The following TMEM201 variants were observed in gnomAD, a reference collection of about 807,000 sequenced individuals.
TMEM201 encodes the protein RP13-15M17.2.
A neutral mutation model predicts 63.4 loss-of-function variants in TMEM201; 26 were observed. That is an observed-to-expected ratio of 0.41 (90% confidence interval 0.30 to 0.57). The LOEUF is 0.57. Ranked by LOEUF, TMEM201 falls within the 20% of genes least tolerant of loss-of-function variation. The pLI is 0.29. For missense variants in TMEM201, 794 were observed against 917.7 expected (o/e 0.87, Z 1.74); for synonymous variants, 417 against 421.6 (o/e 0.99, Z 0.14).
chr1:9,607,552 T>C lies in TMEM201; in HGVS notation c.1161-5T>C. The C allele has an allele frequency of 3.2e-6, 5 of 1,545,140 alleles. No individual in the cohort carries two copies. In the South Asian group the frequency reaches 4.8e-5, roughly 15 times the overall value. ...TCTTGTCCCGTGCCTGACGGGCCCTTGCAGGTTCTTCCCAGGAGACTCTGC... is the reference window on the plus strand; with the variant it reads ...TCTTGTCCCGTGCCTGACGGGCCCTCGCAGGTTCTTCCCAGGAGACTCTGC... On this transcript the variant is annotated splice_region_variant and splice_polypyrimidine_tract_variant and intron_variant, in intron 6 of 10. Transcript: ENST00000340381. The surrounding 1 kb of genome is among the most constrained non-coding windows in gnomAD (Gnocchi z 5.4).
Position 9,607,566 on chromosome 1 carries a change from AGGAGACTCTGCC to A in TMEM201, c.1173_1184del (p.Asp392_Gly395del), listed in dbSNP as rs1644263915. On this transcript the variant is annotated inframe_deletion, in exon 7 of 11. Transcript: ENST00000340381. This position sits in a 1 kb window ranked among gnomAD's most constrained non-coding sequence, Gnocchi z 5.4. ...TGACGGGCCCTTGCAGGTTCTTCCC[AGGAGACTCTGCC>A]GGCCTTTTCCCCACCAGCCCCAGCT... is the stretch of plus-strand genomic sequence containing the variant. The A allele has an allele frequency of 1.3e-6, 2 of 1,549,354 alleles. No homozygotes were observed. The highest frequency in any genetic ancestry group is 3.9e-5 in the Admixed American group (2 of 50,876).
chr1:9,601,821 T>C (rs1050218078), intron 5 of TMEM201, among the ~76,000 whole-genome samples: 1 of 152,180 alleles, frequency 6.6e-6, no homozygotes, highest in African/African-American at 2.4e-5. Context: ...CCGTCGCCCC[T>C]GCTCACCGAC....
rs1291685432 is a variant in TMEM201, at chr1:9,613,416, A to G, written c.*333A>G. 2 of 369,792 alleles carry G rather than the reference A, an allele frequency of 5.4e-6. No homozygotes were observed. The highest frequency in any genetic ancestry group is 8.2e-5 in the Admixed American group (2 of 24,492). 22.9% of individuals were successfully genotyped at this position (369,792 alleles called of 1,614,324 possible). A position where few individuals can be genotyped will look rare whatever the true frequency, so the allele number is the denominator to read the frequency against. On this transcript the variant is annotated 3_prime_UTR_variant, in exon 11 of 11. Coordinates refer to ENST00000340381, the MANE Select transcript of TMEM201 (RefSeq NM_001130924.3). Reference sequence around the variant, plus strand: ...CACAGTTCAGCCCTGCCTGGCAGGGACGCCAGTACTACTGTAACTGCAGCA... The same window carrying G: ...CACAGTTCAGCCCTGCCTGGCAGGGGCGCCAGTACTACTGTAACTGCAGCA...
chr1:9,602,667 G>A, intron 6 of TMEM201: 2 of 1,134,302 alleles, frequency 1.8e-6, no homozygotes, highest in Non-Finnish European at 1.1e-6. Flanking sequence ...TGTTGGGTGA[G>A]GGTCCTGGTC....
Position 9,607,750 on chromosome 1 carries a change from G to T in TMEM201, c.1354G>T (p.Ala452Ser). The change falls in exon 7 of 11, where the codon GCC (alanine) becomes TCC (serine). Residue 452 changes from alanine (A) to serine (S), a missense_variant. Transcript: ENST00000340381. This position sits in a 1 kb window ranked among gnomAD's most constrained non-coding sequence, Gnocchi z 5.4. ...PSSLPGRLSR[A>S]LSLGTIPSLT... ...CTCATTGCCTGGCCGCCTCAGCCGG[G>T]CCCTCTCTCTGGGAACCATACCCTC... The T allele has an allele frequency of 6.4e-7, 1 of 1,551,658 alleles. No individual in the cohort carries two copies.
chr1:9,613,245 C>A lies in TMEM201; in HGVS notation c.*162C>A. ...CCTCAGGACACCTGCCCCTCCTCAC[C>A]TAACGGACTGCAGGGCTGAGCATGT... On this transcript the variant is annotated 3_prime_UTR_variant, in exon 11 of 11. Transcript: ENST00000340381. 1 of 645,508 alleles carries A rather than the reference C, an allele frequency of 1.5e-6. No homozygotes were observed. The highest frequency in any genetic ancestry group is 2.7e-6 in the Non-Finnish European group (1 of 369,612). The allele number at this position is 645,508 out of a possible 1,614,324, so 40.0% of individuals were successfully genotyped here.
chr1:9,603,267 T>C lies in TMEM201; in HGVS notation c.1160+995T>C. 1.0e-6 allele frequency: 1 copy of C among 985,038 alleles called. No homozygotes were observed. The highest frequency in any genetic ancestry group is 1.2e-6 in the Non-Finnish European group (1 of 829,616). The allele number at this position is 985,038 out of a possible 1,614,324, so 61.0% of individuals were successfully genotyped here. ...AGGCCCCTGCTGTTCTCAGCCTCAG[T>C]TTGCCATCTATGAAATGAGGTGGAC... On this transcript the variant is annotated intron_variant, in intron 6 of 10. Coordinates refer to ENST00000340381, the MANE Select transcript of TMEM201 (RefSeq NM_001130924.3). This position sits in a 1 kb window ranked among gnomAD's most constrained non-coding sequence, Gnocchi z 4.5.
chr1:9,592,842 G>A (rs1643944706), intron 1 of TMEM201, among the ~76,000 whole-genome samples: 1 of 152,186 alleles, frequency 6.6e-6, no homozygotes, highest in Non-Finnish European at 1.5e-5. Flanking sequence ...CCGAGATAGT[G>A]GCCTCCAGGC....
At position 9,607,396 on chromosome 1, in the gene TMEM201, G is replaced by T. The variant is rs1413749147; in HGVS notation, c.1161-161G>T. On this transcript the variant is annotated intron_variant, in intron 6 of 10. Transcript: ENST00000340381. This position sits in a 1 kb window ranked among gnomAD's most constrained non-coding sequence, Gnocchi z 5.4. The stretch of plus-strand genomic sequence containing the variant: ...CACCCGCTCCTAATGGCGTGAATGT[G>T]GTCGGATTGCTTTTCTGCTTTAACT... 6.6e-6 allele frequency among the ~76,000 whole-genome samples: 1 copy of T among 152,018 alleles called. No homozygotes were observed. Among genetic ancestry groups the T allele is most frequent in the Non-Finnish European group, 1.5e-5 (1 of 67,990 alleles).
Position 9,610,010 on chromosome 1 carries a change from C to T in TMEM201, c.1465+99C>T, listed in dbSNP as rs576850381. On this transcript the variant is annotated intron_variant, in intron 8 of 10. Transcript: ENST00000340381. The surrounding 1 kb of genome is among the most constrained non-coding windows in gnomAD (Gnocchi z 4.9). ...GTGAGCTTTGGGGTCAGACAGACCC[C>T]AAGTGTGTGTTCACATCTCAGCCCT... 1.9e-5 allele frequency: 22 copies of T among 1,162,090 alleles called. No homozygotes were observed. The highest frequency in any genetic ancestry group is 2.8e-5 in the Non-Finnish European group (22 of 797,030). 72.0% of individuals were successfully genotyped at this position (1,162,090 alleles called of 1,614,324 possible). A position where few individuals can be genotyped will look rare whatever the true frequency, so the allele number is the denominator to read the frequency against.
chr1:9,609,945 G>C (rs1396123762), intron 8 of TMEM201, 34 bp downstream of exon 8: 1 of 1,543,350 alleles, frequency 6.5e-7, no homozygotes, highest in Non-Finnish European at 8.8e-7. Context: ...GGGGGACGGG[G>C]CAACATGAAG....
In TMEM201 at chr1:9,613,392, A is replaced by AC; in HGVS notation, c.*310dup. On this transcript the variant is annotated 3_prime_UTR_variant, in exon 11 of 11. Transcript: ENST00000340381. ...GCTGCATGACCCTGGGGTGCCCCAC[A>AC]CAGTTCAGCCCTGCCTGGCAGGGAC... is the stretch of plus-strand genomic sequence containing the variant. 1 of 463,186 alleles carries AC rather than the reference A, an allele frequency of 2.2e-6. No individual in the cohort carries two copies. Among genetic ancestry groups the AC allele is most frequent in the Non-Finnish European group, 4.0e-6 (1 of 252,978 alleles). 28.7% of individuals were successfully genotyped at this position (463,186 alleles called of 1,614,324 possible).
chr1:9,605,487 C>T lies in TMEM201; in HGVS notation c.1161-2070C>T, dbSNP rs768807962. 5.6e-4 allele frequency among the ~76,000 whole-genome samples: 86 copies of T among 152,234 alleles called. No individual in the cohort carries two copies. Among genetic ancestry groups the T allele is most frequent in the Non-Finnish European group, 9.6e-4 (65 of 68,034 alleles). ...TCTCTCGCCAAAGGAAATGTTAGCA[C>T]CTTTGGAGTTCTCCAGGGTCCAACA... On this transcript the variant is annotated intron_variant, in intron 6 of 10. Transcript: ENST00000340381. The surrounding 1 kb of genome is among the most constrained non-coding windows in gnomAD (Gnocchi z 5.7).
intron 6 of TMEM201, chr1:9,606,292 T>TC (rs903876213): frequency 3.3e-5 from 5 of 152,290 alleles, no homozygotes; most frequent in Middle Eastern, 6.8e-3. Flanking sequence ...ACCGGGGCCT[T>TC]CCCCAGGGTC....
chr1:9,610,788 A>T lies in TMEM201; in HGVS notation c.1748A>T (p.Asp583Val). ...GTTCCCCGGAAGCCGCCCCTGCAGG[A>T]CGTGAAGCACGCCCTGGGTACGGCC... The part of the protein sequence containing the change: ...PHVPRKPPLQ[D>V]VKHALDLRSK... The change falls in exon 9 of 11, where the codon GAC becomes GTC. Residue 583 changes from aspartate (D) to valine (V), a missense_variant. Coordinates refer to ENST00000340381, the MANE Select transcript of TMEM201 (RefSeq NM_001130924.3). This position sits in a 1 kb window ranked among gnomAD's most constrained non-coding sequence, Gnocchi z 4.9. The T allele has an allele frequency of 6.5e-7, 1 of 1,543,244 alleles. No homozygotes were observed. Among genetic ancestry groups the T allele is most frequent in the Non-Finnish European group, 8.8e-7 (1 of 1,141,722 alleles).
rs981148211 is a variant in TMEM201, at chr1:9,610,394, C to T, written c.1466-112C>T. ...CTTCCCCCTGTCCCCAGTCTCTGCA[C>T]CTTTCCTGTCTTCCCGGGTTAATAG... On this transcript the variant is annotated intron_variant, in intron 8 of 10. Coordinates refer to ENST00000340381, the MANE Select transcript of TMEM201 (RefSeq NM_001130924.3). The surrounding 1 kb of genome is among the most constrained non-coding windows in gnomAD (Gnocchi z 4.9). 9 of 1,141,616 alleles carry T rather than the reference C, an allele frequency of 7.9e-6. No homozygotes were observed. Among genetic ancestry groups the T allele is most frequent in the African/African-American group, 6.2e-5 (4 of 64,202 alleles). 70.7% of individuals were successfully genotyped at this position (1,141,616 alleles called of 1,614,324 possible).
In TMEM201 at chr1:9,602,169, G is replaced by T. The variant is rs1644156006; in HGVS notation, c.1057G>T (p.Asp353Tyr). 3 of 1,613,100 alleles carry T rather than the reference G, an allele frequency of 1.9e-6. No individual in the cohort carries two copies. Among genetic ancestry groups the T allele is most frequent in the African/African-American group, 1.3e-5 (1 of 74,936 alleles). ...HLQAASPSWL[D>Y]TLKFSTTSLC... ...GCAGGCCGCCTCGCCTAGCTGGCTAGACACGCTCAAGTTCAGCACCACATC... is the reference window on the plus strand; with the variant it reads ...GCAGGCCGCCTCGCCTAGCTGGCTATACACGCTCAAGTTCAGCACCACATC... The change falls in exon 6 of 11, where the codon GAC (aspartate) becomes TAC (tyrosine). Residue 353 changes from aspartate to tyrosine, a missense_variant. Physicochemically the swap from Asp to Tyr is radical, Grantham distance 160. Transcript: ENST00000340381.
Position 9,610,812 on chromosome 1 carries a change from C to T in TMEM201, c.1765+7C>T. 1 of 1,532,028 alleles carries T rather than the reference C, an allele frequency of 6.5e-7. No individual in the cohort carries two copies. Among genetic ancestry groups the T allele is most frequent in the Non-Finnish European group, 8.8e-7 (1 of 1,135,040 alleles). The allele number at this position is 1,532,028 out of a possible 1,614,324, so 94.9% of individuals were successfully genotyped here. A position where few individuals can be genotyped will look rare whatever the true frequency, so the allele number is the denominator to read the frequency against. ...GACGTGAAGCACGCCCTGGGTACGG[C>T]CTTCTGACCACCCCAAGGGGCCGTG... On this transcript the variant is annotated splice_region_variant and intron_variant, in intron 9 of 10. Coordinates refer to ENST00000340381, the MANE Select transcript of TMEM201 (RefSeq NM_001130924.3). This position sits in a 1 kb window ranked among gnomAD's most constrained non-coding sequence, Gnocchi z 4.9.
In TMEM201 at chr1:9,604,762, A is replaced by T; in HGVS notation, c.1160+2490A>T. On this transcript the variant is annotated intron_variant, in intron 6 of 10. Transcript: ENST00000340381. The surrounding 1 kb of genome is among the most constrained non-coding windows in gnomAD (Gnocchi z 4.1). ...GCAGCCTCCACGCCGCACCTGCCAC[A>T]TTCAGCCCTGCCCAGGAAGGAACAC... 1.0e-6 allele frequency: 1 copy of T among 985,976 alleles called. No homozygotes were observed. Among genetic ancestry groups the T allele is most frequent in the Middle Eastern group, 5.2e-4 (1 of 1,916 alleles). The allele number at this position is 985,976 out of a possible 1,614,324, so 61.1% of individuals were successfully genotyped here.
Sources: gnomAD v4.1 joint callset for allele counts (sites outside exome capture counted in the v4.1 genomes callset) on GRCh38, gnomAD v4.1.1 for gene constraint, Gnocchi (gnomAD v3.1) non-coding constraint, MANE v1.5 for transcripts, NCBI Gene and HGNC (gene_info 2026-07-23, HGNC 2026-07-21) for gene names.